CSMD3: variants seen among roughly 807,000 people sequenced by gnomAD.
CSMD3 encodes CUB and sushi domain-containing protein 3.
In CSMD3, 177 loss-of-function variants were observed where a neutral mutation model predicts 435.2. The ratio of observed to expected loss-of-function variants is 0.41; its 90% CI spans 0.36 to 0.46. The LOEUF is 0.46. Ranked by LOEUF, CSMD3 falls within the 20% of genes least tolerant of loss-of-function variation. CSMD3 has a pLI of 0.34. For missense variants in CSMD3, 4,265 were observed against 4,504.6 expected, an observed-to-expected ratio of 0.95 and a Z score of 1.52; for synonymous variants, 1,656 against 1,520.5, an observed-to-expected ratio of 1.09 and a Z score of -2.07.
chr8:112,715,867 T>C (rs759464267), intron 13 of CSMD3, among the ~76,000 whole-genome samples: 17 of 152,182 alleles, frequency 1.1e-4, no homozygotes, highest in Non-Finnish European at 1.8e-4. Flanking sequence ...TTTGCTAAAA[T>C]TCAACATCCC....
chr8:112,393,705 C>T (rs12156373), intron 35 of CSMD3, among the ~76,000 whole-genome samples: 61,275 of 152,000 alleles, frequency 0.4, 14,318 homozygotes, highest in Middle Eastern at 0.59. Flanking sequence ...GGTGAAATAA[C>T]CATGTCAAAG....
In CSMD3 at chr8:112,903,764, T is replaced by G. The variant is rs1007689521; in HGVS notation, c.1633+17863A>C. On this transcript the variant is annotated intron_variant, in intron 10 of 70. Transcript: ENST00000297405. ...TAAGCTTACGGGAAACAGTAGGAAA[T>G]GACTCAAACTTCTACATTTCCAAAG... 2.6e-4 allele frequency among the ~76,000 whole-genome samples: 39 copies of G among 151,344 alleles called. 2 individuals are homozygous for G. Among genetic ancestry groups the G allele is most frequent in the Admixed American group, 2.2e-3 (33 of 15,128 alleles).
chr8:113,046,634 ATGCAC>A (rs1446187408), intron 5 of CSMD3, among the ~76,000 whole-genome samples: 2 of 152,202 alleles, frequency 1.3e-5, no homozygotes, highest in East Asian at 3.9e-4. Flanking sequence ...AGATTGGCTT[ATGCAC>A]TGCTGAAGTC....
chr8:113,416,919 A>T (rs1276700409), intron 1 of CSMD3, among the ~76,000 whole-genome samples: 1 of 152,100 alleles, frequency 6.6e-6, no homozygotes, highest in African/African-American at 2.4e-5. Flanking sequence ...GGCAAAACTG[A>T]TGTTTACTGT....
rs556539171 is a variant in CSMD3 at position 113,360,052 on chromosome 8, G to A, written c.179-45259C>T. On this transcript the variant is annotated intron_variant, in intron 1 of 70. Coordinates refer to ENST00000297405, the MANE Select transcript of CSMD3 (RefSeq NM_198123.2). ...TTTATTACAAAGTTTACAGGTTTCT[G>A]TAAAATTTGCCTCTAGAAATTCAAT... Among the ~76,000 whole-genome samples the A allele has an allele frequency of 5.9e-5, 9 of 152,254 alleles. No homozygotes were observed. In the South Asian group the frequency reaches 1.9e-3, roughly 32 times the overall value.
chr8:113,278,884 C>T (rs1410156507), intron 2 of CSMD3, among the ~76,000 whole-genome samples, 180 bp from the exon 3 acceptor site: 2 of 151,712 alleles, frequency 1.3e-5, no homozygotes, highest in Non-Finnish European at 2.9e-5. Flanking sequence ...TGGACTTCAG[C>T]CCTCCAGACT....
intron 13 of CSMD3, among the ~76,000 whole-genome samples, chr8:112,747,183 CTTT>C (rs71309787): frequency 1.9e-3 from 50 of 26,892 alleles, no homozygotes; most frequent in Non-Finnish European, 2.4e-3. Context: ...GCACACTTCC[CTTT>C]TTTTTTTTTT....
intron 31 of CSMD3, among the ~76,000 whole-genome samples, chr8:112,489,810 C>A (rs1444505085): frequency 6.6e-6 from 1 of 152,034 alleles, no homozygotes; most frequent in Non-Finnish European, 1.5e-5. Flanking sequence ...TTTCTATTAG[C>A]TTAAAGAATT....
At position 112,517,210 on chromosome 8, in the gene CSMD3, G is replaced by C. The variant is rs749290516; in HGVS notation, c.4580C>G (p.Ala1527Gly). The change falls in exon 28 of 71, where the codon GCG (alanine) becomes GGG (glycine). Residue 1527 changes from alanine to glycine, a missense_variant. By Grantham distance (60) the Ala-to-Gly change is moderately conservative. Coordinates refer to ENST00000297405, the MANE Select transcript of CSMD3 (RefSeq NM_198123.2). ...AIQFSSSVAT[A>G]CRDPGVPMNG... ...CATGGGGACCCCTGGGTCACGACAC[G>C]CAGTGGCAACAGAACCTATCAAAAG... 1.2e-6 allele frequency: 2 copies of C among 1,613,340 alleles called. No individual in the cohort carries two copies.
At chr8:113,377,171 A>T in intron 1 of CSMD3, 1 of 1,244,842 alleles carries the variant, frequency 8.0e-7, no homozygotes, top group Non-Finnish European at 1.0e-6. Context: ...GAAACCCTGC[A>T]AACCCTACAT....
At position 112,689,776 on chromosome 8, in the gene CSMD3, C is replaced by T. The variant is rs541850271; in HGVS notation, c.2155+92G>A. 2.8e-4 allele frequency: 299 copies of T among 1,073,630 alleles called. 1 individual carries two copies. The highest frequency in any genetic ancestry group is 2.0e-4 in the Middle Eastern group (1 of 4,892). 66.5% of individuals were successfully genotyped at this position (1,073,630 alleles called of 1,614,324 possible). On this transcript the variant is annotated intron_variant, in intron 14 of 70. Transcript: ENST00000297405. ...TGCTACTCACTCAAAAATAATTACA[C>T]GGTTGCAGCTCTTTGCAATTAATTA...
In CSMD3 at chr8:112,851,077, G is replaced by T. The variant is rs116051177; in HGVS notation, c.1755+8068C>A. On this transcript the variant is annotated intron_variant, in intron 11 of 70. Transcript: ENST00000297405. ...TATAACATTATATTTTAGTTCAGAT[G>T]ATTTCAATTTTATTATTGGATATGC... Among the ~76,000 whole-genome samples, 478 of 152,000 alleles carry T rather than the reference G, an allele frequency of 3.1e-3. 4 individuals are homozygous for T. The highest frequency in any genetic ancestry group is 9.9e-3 in the African/African-American group (412 of 41,468).
At chr8:112,579,268 C>T (rs969661546) in intron 23 of CSMD3, among the ~76,000 whole-genome samples, 1 of 151,982 alleles carries the variant, frequency 6.6e-6, no homozygotes, top group African/African-American at 2.4e-5. Flanking sequence ...ACAGACACAA[C>T]CCATTTCCAC....
In CSMD3 at chr8:112,550,824, C is replaced by A. The variant is rs2131190276; in HGVS notation, c.4411G>T (p.Val1471Phe). The A allele has an allele frequency of 6.2e-7, 1 of 1,612,460 alleles. No individual in the cohort carries two copies. The highest frequency in any genetic ancestry group is 8.5e-7 in the Non-Finnish European group (1 of 1,178,846). ...TCATTTTCTGGTGGACCGTCCCAGA[C>A]TCGGAGTATATCATGTGATGCTTCC... is the stretch of plus-strand genomic sequence containing the variant. Reference protein sequence around the residue: ...DTEASHDILRVWDGPPENDML... With the variant: ...DTEASHDILRFWDGPPENDML... Residue 1471 changes from valine (V) to phenylalanine (F), a missense_variant, in exon 27 of 71, where the codon GTC becomes TTC. Val to Phe is a conservative substitution (Grantham distance 50). Coordinates refer to ENST00000297405, the MANE Select transcript of CSMD3 (RefSeq NM_198123.2).
At chr8:112,598,263 T>C (rs1489213041) in intron 22 of CSMD3, among the ~76,000 whole-genome samples, 1 of 141,182 alleles carries the variant, frequency 7.1e-6, no homozygotes, top group East Asian at 2.1e-4. Flanking sequence ...GAACTCCCAT[T>C]CACAATTGCT....
At chr8:112,839,530 A>C (rs1300232675) in intron 11 of CSMD3, among the ~76,000 whole-genome samples, 1 of 151,794 alleles carries the variant, frequency 6.6e-6, no homozygotes, top group Non-Finnish European at 1.5e-5. Context: ...TTTGAAGAAA[A>C]TCCTTGCAGA....
chr8:112,993,773 A>G (rs536084202), intron 6 of CSMD3, among the ~76,000 whole-genome samples: 15 of 151,894 alleles, frequency 9.9e-5, no homozygotes, highest in Admixed American at 4.6e-4. Flanking sequence ...AAGGCCCTAA[A>G]ACACAAAAAG....
chr8:113,384,966 A>G (rs2133121621), intron 1 of CSMD3, among the ~76,000 whole-genome samples: 1 of 152,302 alleles, frequency 6.6e-6, no homozygotes, highest in Non-Finnish European at 1.5e-5. Flanking sequence ...AAGTTTAGTG[A>G]ATAGCTTAAT....
chr8:112,392,394 C>T lies in CSMD3; in HGVS notation c.5810-1606G>A, dbSNP rs900257386. On this transcript the variant is annotated intron_variant, in intron 35 of 70. Transcript: ENST00000297405. ...ATATTTTTAAAGAAACTCACTTAGT[C>T]GTGTTTTCTTACAAAGCTCTGTAAA... Among the ~76,000 whole-genome samples, 5 of 149,842 alleles carry T rather than the reference C, an allele frequency of 3.3e-5. No individual in the cohort carries two copies. In the South Asian group the frequency reaches 8.4e-4, roughly 25 times the overall value.
Sources: allele counts gnomAD v4.1 joint callset (sites outside exome capture counted in the v4.1 genomes callset), GRCh38; gene constraint gnomAD v4.1.1; transcripts MANE v1.5; gene names NCBI Gene and HGNC (gene_info 2026-07-23, HGNC 2026-07-21).